ERC2: variants seen among roughly 807,000 people sequenced by gnomAD.
The protein encoded by ERC2 is ERC protein 2.
A neutral mutation model predicts 114.8 loss-of-function variants in ERC2; 42 were observed. The observed-to-expected ratio is 0.37, with a 90% CI of 0.29 to 0.47. The LOEUF (loss-of-function observed/expected upper bound fraction) is 0.47. ERC2 is among the 20% of genes least tolerant of loss of function. The probability of loss-of-function intolerance (pLI) is 0.99; values close to 1 mark genes in which losing one functional copy is unlikely to be tolerated. For missense variants in ERC2, 939 were observed against 1,150.7 expected, an observed-to-expected ratio of 0.82 and a Z score of 2.66; for synonymous variants, 454 against 425.5, an observed-to-expected ratio of 1.07 and a Z score of -0.82.
At chr3:56,142,836 GT>G (rs797000237) in intron 5 of ERC2, among the ~76,000 whole-genome samples, 127 of 142,944 alleles carry the variant, frequency 8.9e-4, no homozygotes, top group Middle Eastern at 3.7e-3. Flanking sequence ...CTGTGTACTA[GT>G]TTTTTTTTTT....
chr3:55,554,859 C>T (rs927575535), intron 17 of ERC2, among the ~76,000 whole-genome samples: 15 of 152,102 alleles, frequency 9.9e-5, no homozygotes, highest in African/African-American at 3.6e-4. Flanking sequence ...CTTCCCAGGC[C>T]CCAAGAGAGG....
intron 2 of ERC2, among the ~76,000 whole-genome samples, chr3:56,334,457 T>C (rs768214602): frequency 6.6e-6 from 1 of 152,212 alleles, no homozygotes; most frequent in Non-Finnish European, 1.5e-5. Context: ...GGCGAGACCA[T>C]ACATCCTCAT....
chr3:56,287,373 G>A (rs58067804), intron 3 of ERC2, among the ~76,000 whole-genome samples: 9,466 of 152,242 alleles, frequency 0.062, 720 homozygotes, highest in African/African-American at 0.18. Flanking sequence ...CCACACATTT[G>A]TCCTTATTCT....
At chr3:56,224,701 C>T (rs1371136822) in intron 3 of ERC2, among the ~76,000 whole-genome samples, 4 of 152,136 alleles carry the variant, frequency 2.6e-5, no homozygotes, top group Admixed American at 1.3e-4. Flanking sequence ...TGCAAGAATA[C>T]CCACAGTTAC....
At chr3:55,779,327 C>CAAAAAAA (rs60185894) in intron 14 of ERC2, among the ~76,000 whole-genome samples, 44 of 62,458 alleles carry the variant, frequency 7.0e-4, no homozygotes, top group African/African-American at 1.5e-3. Context: ...ACTAAAAATA[C>CAAAAAAA]AAAAAAAAAA....
At chr3:55,875,264 T>C (rs377413912) in intron 14 of ERC2, among the ~76,000 whole-genome samples, 1 of 152,306 alleles carries the variant, frequency 6.6e-6, no homozygotes, top group Non-Finnish European at 1.5e-5. Context: ...CTCAGTGAAC[T>C]GAACACAAAA....
At chr3:56,320,259 T>C (rs371563983) in intron 2 of ERC2, among the ~76,000 whole-genome samples, 74 of 152,294 alleles carry the variant, frequency 4.9e-4, no homozygotes, top group African/African-American at 1.6e-3. Flanking sequence ...AGGACTAAGA[T>C]GACAGCCGAC....
chr3:55,514,553 G>C (rs559774490), intron 17 of ERC2, among the ~76,000 whole-genome samples: 1 of 152,350 alleles, frequency 6.6e-6, no homozygotes, highest in African/African-American at 2.4e-5. Context: ...GAGAAAGTTA[G>C]GGAAATCTGA....
intron 3 of ERC2, among the ~76,000 whole-genome samples, chr3:56,275,987 G>A (rs2053964179): frequency 2.6e-5 from 4 of 152,184 alleles, no homozygotes; most frequent in Admixed American, 2.6e-4. Flanking sequence ...GAGGGCCTGA[G>A]TTCATTTAGA....
intron 7 of ERC2, among the ~76,000 whole-genome samples, chr3:56,032,535 T>C (rs2074432910): frequency 6.6e-6 from 1 of 152,074 alleles, no homozygotes; most frequent in Admixed American, 6.5e-5. Context: ...AGTATTCAGA[T>C]CCGTGAAGCC....
rs184945766 is a variant in ERC2 at position 55,935,849 on chromosome 3, G to A, written c.2403+14576C>T. Among the ~76,000 whole-genome samples the A allele has an allele frequency of 6.6e-5, 10 of 152,190 alleles. No individual in the cohort carries two copies. In the East Asian group the frequency reaches 1.9e-3, roughly 29 times the overall value. ...AGGAAGGTGCCCTCTGCAACTTCAA[G>A]GAGAAATGAAAAACAGCTAGGGTAG... On this transcript the variant is annotated intron_variant, in intron 13 of 17. Coordinates refer to ENST00000288221, the MANE Select transcript of ERC2 (RefSeq NM_015576.3).
chr3:55,584,045 C>T (rs1275204192), intron 17 of ERC2, among the ~76,000 whole-genome samples: 2 of 152,190 alleles, frequency 1.3e-5, no homozygotes, highest in Admixed American at 6.5e-5. Context: ...GTTGATTCAT[C>T]GTTAAAAGAG....
chr3:56,132,113 T>C (rs1416616880), intron 6 of ERC2, among the ~76,000 whole-genome samples: 2 of 152,326 alleles, frequency 1.3e-5, no homozygotes, highest in East Asian at 3.9e-4. Flanking sequence ...GTATTTGGAA[T>C]AGTTTGCAAA....
intron 3 of ERC2, among the ~76,000 whole-genome samples, chr3:56,245,830 C>A (rs1264124319): frequency 6.6e-6 from 1 of 152,026 alleles, no homozygotes; most frequent in Non-Finnish European, 1.5e-5. Flanking sequence ...TGTGAGCCAC[C>A]ACTCCCGGCC....
chr3:56,161,028 A>G (rs1575631775), intron 4 of ERC2, among the ~76,000 whole-genome samples: 1 of 152,166 alleles, frequency 6.6e-6, no homozygotes, highest in African/African-American at 2.4e-5. Context: ...GTGGGCGGTA[A>G]TTGGATCATG....
At chr3:55,978,920 C>A (rs114140774) in intron 12 of ERC2, among the ~76,000 whole-genome samples, 4,131 of 152,248 alleles carry the variant, frequency 0.027, 98 homozygotes, top group Middle Eastern at 0.082. Flanking sequence ...TCTTTATCTG[C>A]TTAGGAATCC....
intron 14 of ERC2, among the ~76,000 whole-genome samples, chr3:55,800,683 T>G (rs961723579): frequency 3.3e-5 from 5 of 152,044 alleles, no homozygotes; most frequent in Non-Finnish European, 7.4e-5. Context: ...TGAACGGCAC[T>G]AGATATTGTC....
At chr3:55,680,002 C>A (rs2148766220) in intron 17 of ERC2, among the ~76,000 whole-genome samples, 1 of 152,280 alleles carries the variant, frequency 6.6e-6, no homozygotes, top group African/African-American at 2.4e-5. Context: ...GCAGGGAGTT[C>A]CACTGGGCCA....
At chr3:55,881,042 T>G (rs1004864378) in intron 14 of ERC2, among the ~76,000 whole-genome samples, 4 of 152,224 alleles carry the variant, frequency 2.6e-5, no homozygotes, top group African/African-American at 7.2e-5. Context: ...TTCAAAACTC[T>G]TCTCCCAAAC....
Sources: allele counts gnomAD v4.1 joint callset (sites outside exome capture counted in the v4.1 genomes callset), GRCh38; gene constraint gnomAD v4.1.1; transcripts MANE v1.5; gene names NCBI Gene and HGNC (gene_info 2026-07-23, HGNC 2026-07-21).